The following KAZN variants were observed in gnomAD, a reference collection of about 807,000 sequenced individuals.
The protein encoded by KAZN is kazrin.
Under a neutral mutation model 87.4 loss-of-function variants are expected in KAZN, and 40 were observed. The observed-to-expected ratio is 0.46, with a 90% CI of 0.36 to 0.60. The LOEUF (loss-of-function observed/expected upper bound fraction) is 0.60. Among genes scored for constraint, KAZN ranks in the 20% least tolerant of loss-of-function variants. The pLI, the probability that KAZN is intolerant of heterozygous loss-of-function variation, is 0.00. For missense variants in KAZN, 898 were observed against 1,073.9 expected, an observed-to-expected ratio of 0.84 and a Z score of 2.29; for synonymous variants, 466 against 458.3, an observed-to-expected ratio of 1.02 and a Z score of -0.22.
chr1:14,497,055 G>C (rs976343400), intron 2 of KAZN, among the ~76,000 whole-genome samples: 1 of 152,026 alleles, frequency 6.6e-6, no homozygotes, highest in Non-Finnish European at 1.5e-5. Context: ...ACTCTGCCAA[G>C]ATTCAATCTA....
At chr1:14,499,634 G>C (rs529978449) in intron 2 of KAZN, among the ~76,000 whole-genome samples, 1 of 152,330 alleles carries the variant, frequency 6.6e-6, no homozygotes, top group East Asian at 1.9e-4. Context: ...TAAAGGGAGA[G>C]AGGCAGGTGT....
At chr1:14,993,620 C>A (rs540974586) in intron 2 of KAZN, among the ~76,000 whole-genome samples, 5 of 152,340 alleles carry the variant, frequency 3.3e-5, no homozygotes, top group East Asian at 1.9e-4. Context: ...CCGCCACCCC[C>A]CTGCTGCCTC....
At chr1:14,538,088 G>T (rs1271955139) in intron 2 of KAZN, among the ~76,000 whole-genome samples, 1 of 152,104 alleles carries the variant, frequency 6.6e-6, no homozygotes, top group Non-Finnish European at 1.5e-5. Flanking sequence ...AGGACCTGAG[G>T]CATCTGAACT....
intron 1 of KAZN, among the ~76,000 whole-genome samples, chr1:14,095,452 C>T (rs1413584710): frequency 2.0e-5 from 3 of 152,148 alleles, no homozygotes. Context: ...CATGAAAAAA[C>T]ACCCATTTTA....
intron 1 of KAZN, among the ~76,000 whole-genome samples, chr1:14,615,882 C>G (rs932687685): frequency 2.0e-5 from 3 of 152,232 alleles, no homozygotes; most frequent in Non-Finnish European, 4.4e-5. Flanking sequence ...TTCATAATAT[C>G]ACCCAATCCA....
At chr1:14,151,023 C>T (rs1249332280) in intron 1 of KAZN, among the ~76,000 whole-genome samples, 1 of 152,126 alleles carries the variant, frequency 6.6e-6, no homozygotes, top group African/African-American at 2.4e-5. Flanking sequence ...AATGTACCTA[C>T]ATTATAAAAC....
chr1:14,064,267 A>C (rs898055903), intron 1 of KAZN, among the ~76,000 whole-genome samples: 1 of 152,114 alleles, frequency 6.6e-6, no homozygotes, highest in Non-Finnish European at 1.5e-5. Context: ...CCTCCTGACG[A>C]GGGGAGGCTG....
At chr1:13,932,019 T>A (rs1206677074) in intron 1 of KAZN, among the ~76,000 whole-genome samples, 15 of 150,568 alleles carry the variant, frequency 1.0e-4, no homozygotes, top group Admixed American at 9.3e-4. Context: ...TTTTTTTTTT[T>A]TTTTTTTTTG....
intron 2 of KAZN, among the ~76,000 whole-genome samples, chr1:14,277,934 C>A (rs115075065): frequency 2.0e-5 from 3 of 151,996 alleles, no homozygotes; most frequent in Non-Finnish European, 4.4e-5. Flanking sequence ...CAGAAACTCA[C>A]AGGAAAAGAT....
intron 2 of KAZN, among the ~76,000 whole-genome samples, chr1:14,453,255 A>G (rs928535552): frequency 2.0e-5 from 3 of 152,076 alleles, no homozygotes; most frequent in African/African-American, 7.2e-5. Context: ...GTGCCTGGCC[A>G]AAATAGGCCT....
chr1:14,164,121 C>T (rs1244044387), intron 1 of KAZN, among the ~76,000 whole-genome samples: 2 of 152,206 alleles, frequency 1.3e-5, no homozygotes, highest in African/African-American at 4.8e-5. Flanking sequence ...TCTATTACTG[C>T]TCATAAATTA....
intron 2 of KAZN, chr1:14,222,057 A>G (rs1455652165): frequency 6.6e-6 from 1 of 152,192 alleles, no homozygotes; most frequent in Non-Finnish European, 1.5e-5. Context: ...TCATTCATCC[A>G]AATTGCCAGA....
chr1:14,069,055 G>T (rs151223893), intron 1 of KAZN, among the ~76,000 whole-genome samples: 1 of 152,068 alleles, frequency 6.6e-6, no homozygotes, highest in African/African-American at 2.4e-5. Flanking sequence ...CCTGGGCCTC[G>T]CAAAGTGTTG....
chr1:14,441,101 G>A (rs1666672460), intron 2 of KAZN, among the ~76,000 whole-genome samples: 1 of 152,104 alleles, frequency 6.6e-6, no homozygotes, highest in African/African-American at 2.4e-5. Context: ...GGCCTCTGAA[G>A]CCCCAGGGCC....
chr1:14,506,189 C>A (rs1670576444), intron 2 of KAZN, among the ~76,000 whole-genome samples: 1 of 152,168 alleles, frequency 6.6e-6, no homozygotes, highest in African/African-American at 2.4e-5. Flanking sequence ...TCTTTTTGTG[C>A]ATCTGTGCCA....
At chr1:15,114,401 T>A in intron 14 of KAZN, 70 bp from the exon 15 acceptor site, 1 of 1,307,256 alleles carries the variant, frequency 7.6e-7, no homozygotes. Context: ...TTGGAGACAT[T>A]TCCCAGACCT....
chr1:14,317,144 T>C (rs1655706765), intron 2 of KAZN, among the ~76,000 whole-genome samples: 1 of 151,970 alleles, frequency 6.6e-6, no homozygotes, highest in Non-Finnish European at 1.5e-5. Flanking sequence ...AGTTTCTCAC[T>C]ACTTGCGGAT....
At position 14,923,201 on chromosome 1, in the gene KAZN, C is replaced by T. The variant is rs112324143; in HGVS notation, c.227-37483C>T. Among the ~76,000 whole-genome samples the T allele has an allele frequency of 3.9e-4, 60 of 152,304 alleles. No homozygotes were observed. Among genetic ancestry groups the T allele is most frequent in the African/African-American group, 1.3e-3 (56 of 41,562 alleles). ...CATGAGTGTGTGACTGACTCCTCAC[C>T]TGGCTGTGTGGCCTCGGCTCCCGCG... On this transcript the variant is annotated intron_variant, in intron 1 of 14. Coordinates refer to ENST00000376030, the MANE Select transcript of KAZN (RefSeq NM_201628.3). This position sits in a 1 kb window ranked among gnomAD's most constrained non-coding sequence, Gnocchi z 4.2.
chr1:14,180,748 A>G (rs1397850383), intron 2 of KAZN, among the ~76,000 whole-genome samples: 1 of 152,176 alleles, frequency 6.6e-6, no homozygotes, highest in African/African-American at 2.4e-5. Flanking sequence ...TTCTGATTAG[A>G]TCTTATTTGG....
Sources: gnomAD v4.1 joint callset for allele counts (sites outside exome capture counted in the v4.1 genomes callset) on GRCh38, gnomAD v4.1.1 for gene constraint, Gnocchi (gnomAD v3.1) non-coding constraint, MANE v1.5 for transcripts, NCBI Gene and HGNC (gene_info 2026-07-23, HGNC 2026-07-21) for gene names.